NOA1: variants seen among roughly 807,000 people sequenced by gnomAD.
NOA1 encodes nitric oxide-associated protein 1.
Under a neutral mutation model 58.4 loss-of-function variants are expected in NOA1, and 35 were observed. The observed-to-expected ratio is 0.60, with a 90% CI of 0.46 to 0.79. The LOEUF (loss-of-function observed/expected upper bound fraction) is 0.79. NOA1 is among the 30% of genes least tolerant of loss of function. The pLI, the probability that NOA1 is intolerant of heterozygous loss-of-function variation, is 0.00. For missense variants in NOA1, 895 were observed against 894.6 expected, an observed-to-expected ratio of 1.00 and a Z score of -0.01; for synonymous variants, 397 against 373.4, an observed-to-expected ratio of 1.06 and a Z score of -0.73.
Position 56,976,701 on chromosome 4 carries a change from C to A in NOA1, c.885G>T (p.Gln295His). 1 of 1,613,348 alleles carries A rather than the reference C, an allele frequency of 6.2e-7. No individual in the cohort carries two copies. Among genetic ancestry groups the A allele is most frequent in the Non-Finnish European group, 8.5e-7 (1 of 1,179,578 alleles). ...GPQRPVKDEP[Q>H]DGENPNPPNW... The stretch of plus-strand genomic sequence containing the variant: ...TCGGCGGATTCGGATTCTCCCCGTC[C>A]TGTGGCTCGTCCTTGACGGGGCGCT... Residue 295 changes from glutamine (Q) to histidine (H), a missense_variant, in exon 1 of 7, where the codon CAG becomes CAT. By Grantham distance (24) the Gln-to-His change is conservative. Coordinates refer to ENST00000264230, the MANE Select transcript of NOA1 (RefSeq NM_032313.4).
chr4:56,973,434 C>T (rs1408598536), intron 2 of NOA1, 81 bp from the exon 3 acceptor site: 2 of 1,189,538 alleles, frequency 1.7e-6, no homozygotes, highest in Non-Finnish European at 2.5e-6. Context: ...TTCCCTCAAA[C>T]AAGTTACTAA....
At chr4:56,964,859 C>A (rs1228764837) in intron 5 of NOA1, among the ~76,000 whole-genome samples, 1 of 152,184 alleles carries the variant, frequency 6.6e-6, no homozygotes, top group Non-Finnish European at 1.5e-5. Context: ...GCAATTAAGG[C>A]ACGGTCCTTC....
At chr4:56,969,538 C>T (rs952008758) in intron 3 of NOA1, among the ~76,000 whole-genome samples, 20 of 152,026 alleles carry the variant, frequency 1.3e-4, no homozygotes, top group Non-Finnish European at 2.9e-5. Flanking sequence ...CACCACTGCC[C>T]TCCAGCCTGG....
At chr4:56,966,497 G>A (rs1433498564) in intron 5 of NOA1, 123 bp downstream of exon 5, 4 of 622,240 alleles carry the variant, frequency 6.4e-6, no homozygotes, top group African/African-American at 5.6e-5. Context: ...AGAATGAGGT[G>A]AGGGAAAGCT....
intron 5 of NOA1, among the ~76,000 whole-genome samples, chr4:56,966,309 GCCA>G (rs1246037983): frequency 1.3e-5 from 2 of 152,146 alleles, no homozygotes; most frequent in Admixed American, 1.3e-4. Context: ...ATAGGCGTGA[GCCA>G]CCACACCTGG....
chr4:56,968,103 A>G (rs1721749226), intron 4 of NOA1, among the ~76,000 whole-genome samples: 1 of 151,986 alleles, frequency 6.6e-6, no homozygotes, highest in East Asian at 1.9e-4. Flanking sequence ...TTTTTAGTAG[A>G]GATGGGGTTT....
Position 56,973,830 on chromosome 4 carries a change from C to T in NOA1, c.1309+28G>A, listed in dbSNP as rs61401578. ...ACAAAGAATTTTAGCATAGTACCAA[C>T]GAGGGTTTTCCCATAGAGGATGCTT... On this transcript the variant is annotated intron_variant, in intron 2 of 6. Coordinates refer to ENST00000264230, the MANE Select transcript of NOA1 (RefSeq NM_032313.4). 6,123 of 1,609,198 alleles carry T rather than the reference C, an allele frequency of 3.8e-3. 217 individuals are homozygous for T. The African/African-American group carries it at 0.073, about 19-fold the overall frequency.
rs759146395 is a variant in NOA1 at position 56,964,462 on chromosome 4, A to G, written c.1829T>C (p.Leu610Ser). The change falls in exon 6 of 7, where the codon TTA (leucine) becomes TCA (serine). Residue 610 changes from leucine (L) to serine (S), a missense_variant. This residue lies in a region of NOA1 where 212 missense variants were observed against 221.3 expected (regional missense o/e 0.96). Transcript: ENST00000264230. Reference protein sequence around the residue: ...FPPLVAEDIMLKEGLGASEAV... With the variant: ...FPPLVAEDIMSKEGLGASEAV... ...TTCAGATGCCCCCAGTCCTTCTTTT[A>G]ACATAATGTCTTCAGCAACAAGAGG... 1 of 1,614,170 alleles carries G rather than the reference A, an allele frequency of 6.2e-7. No homozygotes were observed. Among genetic ancestry groups the G allele is most frequent in the Non-Finnish European group, 8.5e-7 (1 of 1,180,018 alleles).
At position 56,966,022 on chromosome 4, in the gene NOA1, T is replaced by TC. The variant is rs954807222; in HGVS notation, c.1764+597_1764+598insG. On this transcript the variant is annotated intron_variant, in intron 5 of 6. Coordinates refer to ENST00000264230, the MANE Select transcript of NOA1 (RefSeq NM_032313.4). ...TGGCTAACTTGAGCAAATTTTCTTT[T>TC]TTTTTTTTTTTTTTTTTTGAGATGG... Among the ~76,000 whole-genome samples the TC allele has an allele frequency of 6.0e-4, 83 of 137,394 alleles. 1 individual carries two copies. The South Asian group carries it at 0.016, about 26-fold the overall frequency. The allele number at this position is 137,394 out of a possible 152,430, so 90.1% of individuals were successfully genotyped here.
At chr4:56,970,531 T>A (rs1030387540) in intron 3 of NOA1, among the ~76,000 whole-genome samples, 29 of 151,630 alleles carry the variant, frequency 1.9e-4, no homozygotes, top group African/African-American at 6.3e-4. Context: ...CTCGGCTCAC[T>A]GCAACCTCTG....
intron 3 of NOA1, among the ~76,000 whole-genome samples, chr4:56,969,762 G>A (rs1462341875): frequency 2.0e-5 from 3 of 152,048 alleles, no homozygotes; most frequent in Non-Finnish European, 4.4e-5. Context: ...GCAGCGGCAG[G>A]CAGATCACTT....
At chr4:56,965,214 C>G (rs984853351) in intron 5 of NOA1, among the ~76,000 whole-genome samples, 2 of 151,984 alleles carry the variant, frequency 1.3e-5, no homozygotes, top group African/African-American at 4.8e-5. Context: ...GTTAGCCAGG[C>G]TGGTCTCAAA....
At chr4:56,970,446 G>T (rs928961366) in intron 3 of NOA1, among the ~76,000 whole-genome samples, 62 of 151,126 alleles carry the variant, frequency 4.1e-4, no homozygotes, top group African/African-American at 1.5e-3. Context: ...CTGGGCAACA[G>T]GGGAAACCTT....
chr4:56,975,534 G>C (rs1478944689), intron 1 of NOA1, among the ~76,000 whole-genome samples: 3 of 151,810 alleles, frequency 2.0e-5, no homozygotes, highest in Non-Finnish European at 2.9e-5. Flanking sequence ...GGGAGGCCAA[G>C]AGTTCCAGAC....
Position 56,973,922 on chromosome 4 carries a change from T to C in NOA1, c.1245A>G (p.Glu415=). Residue 415 remains glutamate, a synonymous_variant, in exon 2 of 7, where the codon GAA becomes GAG. Transcript: ENST00000264230. The part of the protein sequence containing the change: ...QRLKKDSTQA[E]EDLSEQEQNQ... ...TTTGTTCTTGCTCACTAAGATCTTCTTCAGCTTGAGTTGAATCTTTTTTAA... is the reference window on the plus strand; with the variant it reads ...TTTGTTCTTGCTCACTAAGATCTTCCTCAGCTTGAGTTGAATCTTTTTTAA... 1 of 1,614,160 alleles carries C rather than the reference T, an allele frequency of 6.2e-7. No homozygotes were observed. Among genetic ancestry groups the C allele is most frequent in the South Asian group, 1.1e-5 (1 of 91,080 alleles).
chr4:56,968,587 A>G, intron 3 of NOA1, 72 bp from the exon 4 acceptor site: 1 of 1,252,778 alleles, frequency 8.0e-7, no homozygotes, highest in Non-Finnish European at 1.1e-6. Flanking sequence ...TTTACCCGTA[A>G]AATAAAAAGT....
Position 56,974,124 on chromosome 4 carries a change from T to A in NOA1, c.1145-102A>T. ...CTGTGTTGGTTACTGTAATAAAATATAAAATTACTGCCACTTTACAAATGA... is the reference window on the plus strand; with the variant it reads ...CTGTGTTGGTTACTGTAATAAAATAAAAAATTACTGCCACTTTACAAATGA... On this transcript the variant is annotated intron_variant, in intron 1 of 6. Coordinates refer to ENST00000264230, the MANE Select transcript of NOA1 (RefSeq NM_032313.4). 1.3e-6 allele frequency: 1 copy of A among 775,532 alleles called. No individual in the cohort carries two copies. Among genetic ancestry groups the A allele is most frequent in the Non-Finnish European group, 2.0e-6 (1 of 497,656 alleles). 48.0% of individuals were successfully genotyped at this position (775,532 alleles called of 1,614,324 possible). A position where few individuals can be genotyped will look rare whatever the true frequency, so the allele number is the denominator to read the frequency against.
At position 56,976,537 on chromosome 4, in the gene NOA1, C is replaced by T. The variant is rs867681466; in HGVS notation, c.1049G>A (p.Gly350Asp). The change falls in exon 1 of 7, where the codon GGC (glycine) becomes GAC (aspartate). Residue 350 changes from glycine (G) to aspartate (D), a missense_variant. This residue lies in a region of NOA1 where 680 missense variants were observed against 656.5 expected (regional missense o/e 1.04). Coordinates refer to ENST00000264230, the MANE Select transcript of NOA1 (RefSeq NM_032313.4). Reference protein sequence around the residue: ...DVYLVGATNAGKSTLFNTLLE... With the variant: ...DVYLVGATNADKSTLFNTLLE... ...GAGCGTGTTAAAGAGAGTGGATTTG[C>T]CGGCGTTGGTGGCGCCCACTAAGTA... 1.9e-6 allele frequency: 3 copies of T among 1,614,230 alleles called. No homozygotes were observed. The highest frequency in any genetic ancestry group is 4.5e-5 in the East Asian group (2 of 44,872).
intron 3 of NOA1, among the ~76,000 whole-genome samples, chr4:56,971,249 G>A (rs1721806168): frequency 7.0e-6 from 1 of 142,340 alleles, no homozygotes; most frequent in African/African-American, 2.6e-5. Context: ...GGCGGCAGAG[G>A]TTGCAGTGAG....
Sources: allele counts gnomAD v4.1 joint callset (sites outside exome capture counted in the v4.1 genomes callset), GRCh38; gene constraint gnomAD v4.1.1; regional missense constraint gnomAD v4.1.1; transcripts MANE v1.5; gene names NCBI Gene and HGNC (gene_info 2026-07-23, HGNC 2026-07-21).